Variants in CTCF observed in about 807,000 individuals in gnomAD.
CTCF encodes the protein CCCTC-binding factor.
CTCF carries 7 observed loss-of-function variants against 72.3 expected under a neutral mutation model. That is an observed-to-expected ratio of 0.10 (90% confidence interval 0.06 to 0.18). The LOEUF (loss-of-function observed/expected upper bound fraction) is 0.18, where lower values mean the gene tolerates loss of function less well. CTCF is among the 10% of genes least tolerant of loss of function. The pLI, the probability that CTCF is intolerant of heterozygous loss-of-function variation, is 1.00. For synonymous variants in CTCF, 374 were observed against 315.8 expected (o/e 1.18, Z -1.95); for missense variants, 516 against 949.1 (o/e 0.54, Z 6.00).
At chr16:67,620,632 C>T in intron 5 of CTCF, 65 bp from the exon 6 acceptor site, 1 of 1,386,622 alleles carries the variant, frequency 7.2e-7, no homozygotes. Context: ...TTGTGCCTAA[C>T]CTACTGTGCT....
chr16:67,587,311 A>C (rs1202556171), intron 2 of CTCF, among the ~76,000 whole-genome samples: 1 of 152,058 alleles, frequency 6.6e-6, no homozygotes, highest in Non-Finnish European at 1.5e-5. Flanking sequence ...ATTTATTATT[A>C]CCACATTGCT....
intron 2 of CTCF, among the ~76,000 whole-genome samples, chr16:67,590,827 G>C (rs1489727298): frequency 6.6e-6 from 1 of 151,836 alleles, no homozygotes; most frequent in Non-Finnish European, 1.5e-5. Context: ...CATGATGTTT[G>C]GTGCCTGTAA....
chr16:67,574,079 C>T (rs2142722927), intron 2 of CTCF, among the ~76,000 whole-genome samples: 1 of 152,030 alleles, frequency 6.6e-6, no homozygotes, highest in South Asian at 2.1e-4. Flanking sequence ...GGATTTTCCT[C>T]ACACACCAAA....
chr16:67,624,040 A>G (rs2052240281), intron 7 of CTCF, among the ~76,000 whole-genome samples: 1 of 139,748 alleles, frequency 7.2e-6, no homozygotes. Flanking sequence ...AGAGTGAGAC[A>G]CTGTCTCAAA....
chr16:67,636,707 C>A lies in CTCF; in HGVS notation c.1855C>A (p.Leu619Met). Reference sequence around the variant, plus strand: ...ATGAAAAGAAAATGCTGAACCAGATCTGGACGACAATGAGGATGAGGAGGA... The same window carrying A: ...ATGAAAAGAAAATGCTGAACCAGATATGGACGACAATGAGGATGAGGAGGA... ...SSDSENAEPD[L>M]DDNEDEEEPA... is the part of the protein sequence containing the mutation. The change falls in exon 11 of 12, where the codon CTG (leucine) becomes ATG (methionine). Residue 619 changes from leucine to methionine, a missense_variant. Coordinates refer to ENST00000264010, the MANE Select transcript of CTCF (RefSeq NM_006565.4). 1 of 1,606,200 alleles carries A rather than the reference C, an allele frequency of 6.2e-7. No homozygotes were observed. The highest frequency in any genetic ancestry group is 1.7e-4 in the Middle Eastern group (1 of 6,044).
chr16:67,624,117 A>G (rs6499136), intron 7 of CTCF, among the ~76,000 whole-genome samples: 949 of 91,660 alleles, frequency 0.01, 1 homozygote, highest in East Asian at 0.036. Context: ...GTGTGTGTGT[A>G]TGTGTGTGTA....
chr16:67,605,785 G>A (rs1343395346), intron 2 of CTCF, among the ~76,000 whole-genome samples: 1 of 152,342 alleles, frequency 6.6e-6, no homozygotes, highest in South Asian at 2.1e-4. Flanking sequence ...ATGAGCTGGT[G>A]TTGAGAGGAG....
At chr16:67,581,548 G>A (rs2051582577) in intron 2 of CTCF, among the ~76,000 whole-genome samples, 1 of 152,010 alleles carries the variant, frequency 6.6e-6, no homozygotes, top group African/African-American at 2.4e-5. Context: ...CTGTTGTCCA[G>A]TCTGGAGTGT....
intron 1 of CTCF, among the ~76,000 whole-genome samples, chr16:67,566,867 G>A (rs1030944727): frequency 1.3e-5 from 2 of 150,728 alleles, no homozygotes; most frequent in Non-Finnish European, 3.0e-5. Context: ...CACCGTGCCC[G>A]GCCTGTGGGG....
At chr16:67,606,812 G>A (rs2051979988) in intron 2 of CTCF, among the ~76,000 whole-genome samples, 1 of 149,050 alleles carries the variant, frequency 6.7e-6, no homozygotes, top group African/African-American at 2.5e-5. Context: ...CAGGCTCCAG[G>A]CTGGAGTGCA....
At chr16:67,594,456 T>C in intron 2 of CTCF, among the ~76,000 whole-genome samples, 1 of 151,824 alleles carries the variant, frequency 6.6e-6, no homozygotes, top group Non-Finnish European at 1.5e-5. Flanking sequence ...TCTCAGCATT[T>C]TGTGGGGGAT....
chr16:67,631,150 G>GTTTTT (rs1472086135), intron 10 of CTCF, among the ~76,000 whole-genome samples: 2 of 132,534 alleles, frequency 1.5e-5, no homozygotes, highest in African/African-American at 6.4e-5. Flanking sequence ...TTTGTTCTTT[G>GTTTTT]TTTGTTTTTT....
chr16:67,565,120 G>A (rs2051325859), intron 1 of CTCF, among the ~76,000 whole-genome samples: 1 of 151,646 alleles, frequency 6.6e-6, no homozygotes, highest in East Asian at 1.9e-4. Context: ...TCCTGTCTCT[G>A]CCTCCCAAGT....
chr16:67,571,853 A>C lies in CTCF; in HGVS notation c.-10+589A>C, dbSNP rs544779069. ...ATTTAGCCTGTAATTTTTGCTATAAAATATAATGGACATTATATGGAACTT... is the reference window on the plus strand; with the variant it reads ...ATTTAGCCTGTAATTTTTGCTATAACATATAATGGACATTATATGGAACTT... On this transcript the variant is annotated intron_variant, in intron 2 of 11. Transcript: ENST00000264010. Among the ~76,000 whole-genome samples the C allele has an allele frequency of 3.0e-4, 46 of 152,308 alleles. No homozygotes were observed. In the South Asian group the frequency reaches 8.3e-3, roughly 27 times the overall value.
At chr16:67,622,714 G>C (rs1256577574) in intron 7 of CTCF, among the ~76,000 whole-genome samples, 2 of 148,584 alleles carry the variant, frequency 1.3e-5, no homozygotes, top group Non-Finnish European at 3.0e-5. Context: ...CATGAACTCA[G>C]CTCACTGCCA....
Position 67,610,806 on chromosome 16 carries a change from T to C in CTCF, c.-9-18T>C. The C allele has an allele frequency of 7.0e-7, 1 of 1,435,354 alleles. No homozygotes were observed. Among genetic ancestry groups the C allele is most frequent in the Non-Finnish European group, 9.2e-7 (1 of 1,086,684 alleles). The allele number at this position is 1,435,354 out of a possible 1,614,324, so 88.9% of individuals were successfully genotyped here. ...ATGCTTTGCTTTAAATAACAATCTG[T>C]GTTCTCCCTTAATAAAGGCAGGGGA... On this transcript the variant is annotated intron_variant, in intron 2 of 11. Transcript: ENST00000264010.
chr16:67,596,055 G>T (rs546893124), intron 2 of CTCF, among the ~76,000 whole-genome samples: 2 of 152,102 alleles, frequency 1.3e-5, no homozygotes, highest in African/African-American at 4.8e-5. Context: ...CTGGGTTCAA[G>T]CAATTCTCCT....
intron 10 of CTCF, among the ~76,000 whole-genome samples, chr16:67,633,745 C>CAAA: frequency 6.7e-6 from 1 of 148,970 alleles, no homozygotes; most frequent in South Asian, 2.1e-4. Flanking sequence ...GACCCCGCCT[C>CAAA]AAAAAAAAAG....
intron 2 of CTCF, among the ~76,000 whole-genome samples, chr16:67,591,519 A>G (rs1366056926): frequency 6.6e-6 from 1 of 152,128 alleles, no homozygotes; most frequent in Admixed American, 6.6e-5. Context: ...CTTTGCTTTG[A>G]TGTATTTTAA....
Sources: allele counts gnomAD v4.1 joint callset (sites outside exome capture counted in the v4.1 genomes callset), GRCh38; gene constraint gnomAD v4.1.1; transcripts MANE v1.5; gene names NCBI Gene and HGNC (gene_info 2026-07-23, HGNC 2026-07-21).